Variants in FGF14 observed in about 807,000 individuals in gnomAD.
The protein encoded by FGF14 is fibroblast growth factor homologous factor 4.
In FGF14, 5 loss-of-function variants were observed where a neutral mutation model predicts 25.5. The ratio of observed to expected loss-of-function variants is 0.20; its 90% confidence interval spans 0.10 to 0.41. FGF14 has a LOEUF of 0.41. FGF14 is among the 10% of genes least tolerant of loss of function. The pLI, the probability that FGF14 is intolerant of heterozygous loss-of-function variation, is 1.00. For synonymous variants in FGF14, 138 were observed against 118.3 expected (o/e 1.17, Z -1.08); for missense variants, 222 against 320.1 (o/e 0.69, Z 2.34).
intron 1 of FGF14, among the ~76,000 whole-genome samples, chr13:102,283,438 T>C (rs1336710): frequency 0.12 from 18,444 of 152,214 alleles, 1,473 homozygotes; most frequent in East Asian, 0.39. Context: ...AAAGACCTGA[T>C]GAATGAGAAT....
At chr13:101,888,636 A>G (rs934236145) in intron 1 of FGF14, among the ~76,000 whole-genome samples, 6 of 152,182 alleles carry the variant, frequency 3.9e-5, no homozygotes, top group African/African-American at 1.4e-4. Context: ...ATTAGTAGAC[A>G]ATAGCAAAGC....
intron 1 of FGF14, among the ~76,000 whole-genome samples, chr13:102,246,012 T>C (rs1215256508): frequency 1.2e-4 from 18 of 152,076 alleles, no homozygotes; most frequent in Admixed American, 1.1e-3. Context: ...ACCAATGTTT[T>C]GTTTCATTCC....
At chr13:102,363,895 C>T (rs192386816) in intron 1 of FGF14, among the ~76,000 whole-genome samples, 6 of 152,244 alleles carry the variant, frequency 3.9e-5, no homozygotes, top group African/African-American at 1.2e-4. Context: ...CTGCAGGATC[C>T]GGTCAAGCAT....
At chr13:102,066,180 T>A (rs1009007793) in intron 1 of FGF14, among the ~76,000 whole-genome samples, 1 of 152,128 alleles carries the variant, frequency 6.6e-6, no homozygotes, top group Non-Finnish European at 1.5e-5. Flanking sequence ...TACCAATTAT[T>A]ATAGTAGAAT....
chr13:102,104,219 A>G (rs933786470), intron 1 of FGF14, among the ~76,000 whole-genome samples: 2 of 152,194 alleles, frequency 1.3e-5, no homozygotes, highest in African/African-American at 4.8e-5. Context: ...TGATAACAAT[A>G]ACAGTAATAG....
intron 1 of FGF14, among the ~76,000 whole-genome samples, chr13:101,897,149 G>A (rs1195575320): frequency 6.6e-6 from 1 of 152,120 alleles, no homozygotes; most frequent in Non-Finnish European, 1.5e-5. Flanking sequence ...ATAGACATGT[G>A]GAAAGATTTA....
chr13:101,841,928 A>T (rs2043215450), intron 3 of FGF14, among the ~76,000 whole-genome samples: 1 of 151,790 alleles, frequency 6.6e-6, no homozygotes, highest in South Asian at 2.1e-4. Flanking sequence ...AAGAATACTC[A>T]CTCAGTATAA....
intron 1 of FGF14, among the ~76,000 whole-genome samples, chr13:102,127,633 T>G (rs982572348): frequency 6.6e-6 from 1 of 152,354 alleles, no homozygotes; most frequent in East Asian, 1.9e-4. Context: ...TTTAAAATTT[T>G]TATGTCTTAA....
At chr13:102,236,740 T>C (rs2051344129) in intron 1 of FGF14, among the ~76,000 whole-genome samples, 2 of 152,126 alleles carry the variant, frequency 1.3e-5, no homozygotes, top group Non-Finnish European at 2.9e-5. Context: ...AGTAAGCGTG[T>C]TTTCTTGCAG....
At chr13:101,841,259 A>G (rs80163607) in intron 3 of FGF14, among the ~76,000 whole-genome samples, 2,115 of 152,104 alleles carry the variant, frequency 0.014, 51 homozygotes, top group African/African-American at 0.048. Flanking sequence ...CCCCGAATAC[A>G]CTGTAAACAT....
At chr13:102,116,134 C>T (rs1031781693) in intron 1 of FGF14, among the ~76,000 whole-genome samples, 1 of 151,886 alleles carries the variant, frequency 6.6e-6, no homozygotes, top group Non-Finnish European at 1.5e-5. Context: ...AACAAACAAA[C>T]AGAATAAAAC....
At chr13:101,811,966 CAAGTA>C (rs1225714760) in intron 3 of FGF14, among the ~76,000 whole-genome samples, 2 of 152,056 alleles carry the variant, frequency 1.3e-5, no homozygotes, top group Non-Finnish European at 2.9e-5. Flanking sequence ...GAAAGATGAA[CAAGTA>C]AATTTTATTA....
intron 1 of FGF14, among the ~76,000 whole-genome samples, chr13:102,091,447 G>A (rs1189769721): frequency 2.3e-5 from 3 of 131,576 alleles, no homozygotes; most frequent in Non-Finnish European, 3.6e-5. Context: ...ATCACTCTAC[G>A]ATGCTTCAGT....
At chr13:102,356,029 G>T (rs60897996) in intron 1 of FGF14, among the ~76,000 whole-genome samples, 2 of 152,108 alleles carry the variant, frequency 1.3e-5, no homozygotes, top group East Asian at 1.9e-4. Flanking sequence ...TTGCCATTTA[G>T]AAGTCACTTG....
intron 1 of FGF14, among the ~76,000 whole-genome samples, chr13:102,225,502 G>T (rs1594480729): frequency 6.6e-6 from 1 of 152,120 alleles, no homozygotes; most frequent in Admixed American, 6.6e-5. Context: ...AATGCAAATT[G>T]TATGTCTCTC....
intron 1 of FGF14, among the ~76,000 whole-genome samples, chr13:102,063,713 G>A (rs2042783657): frequency 2.6e-5 from 4 of 152,002 alleles, no homozygotes; most frequent in Admixed American, 2.6e-4. Context: ...ATTCAGATCT[G>A]AAGATACAGG....
Position 102,040,617 on chromosome 13 carries a change from A to G in FGF14, c.209-165321T>C, listed in dbSNP as rs148936958. On this transcript the variant is annotated intron_variant, in intron 1 of 4. Coordinates refer to the FGF14 transcript ENST00000376131. ...TTGTAGGATATATTGGACATGGCAA[A>G]TTGGATGGATATTTGTTGGCTGTCA... Among the ~76,000 whole-genome samples the G allele has an allele frequency of 8.4e-3, 1,273 of 152,294 alleles. 16 individuals carry two copies. The highest frequency in any genetic ancestry group is 0.029 in the African/African-American group (1,198 of 41,564).
intron 1 of FGF14, among the ~76,000 whole-genome samples, chr13:102,117,044 C>T (rs2045505809): frequency 6.6e-6 from 1 of 152,174 alleles, no homozygotes; most frequent in Non-Finnish European, 1.5e-5. Context: ...AGGTAGGGGT[C>T]ACTCACTTTC....
chr13:102,057,353 C>T (rs1444512629), intron 1 of FGF14, among the ~76,000 whole-genome samples: 3 of 152,110 alleles, frequency 2.0e-5, no homozygotes, highest in Non-Finnish European at 4.4e-5. Context: ...GGAAAGAATA[C>T]ATTTCAGTCA....
Sources: gnomAD v4.1 joint callset for allele counts (sites outside exome capture counted in the v4.1 genomes callset) on GRCh38, gnomAD v4.1.1 for gene constraint, MANE v1.5 for transcripts, NCBI Gene and HGNC (gene_info 2026-07-23, HGNC 2026-07-21) for gene names.